The following ATP8A2 variants were observed in gnomAD, a reference collection of about 807,000 sequenced individuals.
ATP8A2 encodes the protein phospholipid-transporting ATPase IB.
In ATP8A2, 100 loss-of-function variants were observed where a neutral mutation model predicts 165.6. The ratio of observed to expected loss-of-function variants is 0.60; its 90% CI spans 0.51 to 0.71. ATP8A2 has a LOEUF of 0.71. ATP8A2 is among the 30% of genes least tolerant of loss of function. The pLI is 0.00. For missense variants in ATP8A2, 1,227 were observed against 1,479.5 expected (o/e 0.83, Z 2.80); for synonymous variants, 543 against 548.8 (o/e 0.99, Z 0.15).
chr13:25,952,287 A>G (rs1178757293), intron 33 of ATP8A2, among the ~76,000 whole-genome samples: 1 of 152,126 alleles, frequency 6.6e-6, no homozygotes, highest in Non-Finnish European at 1.5e-5. Context: ...GGAAATGAAG[A>G]ACTAGATTTC....
At chr13:25,585,692 A>G (rs1257227221) in intron 23 of ATP8A2, among the ~76,000 whole-genome samples, 4 of 152,190 alleles carry the variant, frequency 2.6e-5, no homozygotes, top group African/African-American at 9.6e-5. Context: ...GTGACTCAAT[A>G]TGTCACTTGC....
At chr13:25,427,728 T>C (rs184111542) in intron 1 of ATP8A2, among the ~76,000 whole-genome samples, 4 of 151,858 alleles carry the variant, frequency 2.6e-5, no homozygotes, top group Admixed American at 6.6e-5. Flanking sequence ...ACCTCATCTC[T>C]GCTAAAAATA....
At chr13:25,951,699 TGAGA>T (rs1259459657) in intron 33 of ATP8A2, among the ~76,000 whole-genome samples, 1 of 152,186 alleles carries the variant, frequency 6.6e-6, no homozygotes, top group African/African-American at 2.4e-5. Context: ...GGGGTGCTTT[TGAGA>T]ACCCCTTACC....
At chr13:25,882,712 T>C (rs948814798) in intron 33 of ATP8A2, among the ~76,000 whole-genome samples, 1 of 152,182 alleles carries the variant, frequency 6.6e-6, no homozygotes, top group African/African-American at 2.4e-5. Flanking sequence ...AGATGGCTCT[T>C]GTTTGTACTG....
At chr13:25,409,318 C>G (rs2033899565) in intron 1 of ATP8A2, among the ~76,000 whole-genome samples, 1 of 152,120 alleles carries the variant, frequency 6.6e-6, no homozygotes. Context: ...ATATATCACC[C>G]TGAGCATAAT....
In ATP8A2 at chr13:25,372,330, C is replaced by A. The variant is rs774563454; in HGVS notation, c.76+42C>A. The A allele has an allele frequency of 2.9e-5, 17 of 588,582 alleles. No homozygotes were observed. The highest frequency in any genetic ancestry group is 2.3e-4 in the South Asian group (12 of 52,380). The allele number at this position is 588,582 out of a possible 1,614,324, so 36.5% of individuals were successfully genotyped here. On this transcript the variant is annotated intron_variant, in intron 1 of 36. Transcript: ENST00000381655. This position sits in a 1 kb window ranked among gnomAD's most constrained non-coding sequence, Gnocchi z 4.8. ...GCGGCGAGGGAGGGTGGGCCCGGGG[C>A]GGGGGCGGCGCGGGGCGCGCCTGCG...
intron 18 of ATP8A2, 138 bp from the exon 19 acceptor site, chr13:25,574,670 A>C (rs1349573916): frequency 3.0e-6 from 2 of 674,010 alleles, no homozygotes; most frequent in Non-Finnish European, 5.4e-6. Flanking sequence ...CTTGTGAGAA[A>C]ACAGTACATG....
chr13:25,722,959 AT>A (rs2043413327), intron 25 of ATP8A2, among the ~76,000 whole-genome samples: 1 of 152,142 alleles, frequency 6.6e-6, no homozygotes, highest in Non-Finnish European at 1.5e-5. Context: ...ATTATGAGTT[AT>A]TTTGTTCAAG....
chr13:25,747,492 G>C (rs1165875124), intron 25 of ATP8A2, among the ~76,000 whole-genome samples: 1 of 152,162 alleles, frequency 6.6e-6, no homozygotes, highest in African/African-American at 2.4e-5. Flanking sequence ...TTTGTTTCAT[G>C]TCTTCCACAT....
At chr13:25,840,234 T>C (rs1345754450) in intron 30 of ATP8A2, among the ~76,000 whole-genome samples, 1 of 152,192 alleles carries the variant, frequency 6.6e-6, no homozygotes, top group Non-Finnish European at 1.5e-5. Flanking sequence ...AAGAGACATA[T>C]TTTTATTCTC....
At chr13:25,889,272 A>G (rs1953275515) in intron 33 of ATP8A2, among the ~76,000 whole-genome samples, 1 of 146,274 alleles carries the variant, frequency 6.8e-6, no homozygotes, top group African/African-American at 2.5e-5. Flanking sequence ...ATATATATAT[A>G]TAAAATTTAA....
At chr13:25,546,815 C>T (rs796786579) in intron 10 of ATP8A2, among the ~76,000 whole-genome samples, 2 of 152,072 alleles carry the variant, frequency 1.3e-5, no homozygotes, top group African/African-American at 4.8e-5. Context: ...CCCAAGCTTA[C>T]AAAACTAGTA....
chr13:25,550,357 C>T (rs1274712456), intron 10 of ATP8A2, among the ~76,000 whole-genome samples: 1 of 152,022 alleles, frequency 6.6e-6, no homozygotes, highest in Non-Finnish European at 1.5e-5. Flanking sequence ...AGGATGTGGG[C>T]ATTACTGGTG....
chr13:25,737,072 G>A (rs2138121499), intron 25 of ATP8A2, among the ~76,000 whole-genome samples: 1 of 152,248 alleles, frequency 6.6e-6, no homozygotes, highest in Middle Eastern at 3.4e-3. Flanking sequence ...GGAGGGTGGG[G>A]CAGAAGGAAT....
chr13:25,712,755 A>G (rs2043181228), intron 25 of ATP8A2, among the ~76,000 whole-genome samples: 1 of 152,204 alleles, frequency 6.6e-6, no homozygotes, highest in Non-Finnish European at 1.5e-5. Flanking sequence ...AGTCAACTGG[A>G]GTTTTCTAGT....
At chr13:25,715,464 A>G (rs1216498311) in intron 25 of ATP8A2, among the ~76,000 whole-genome samples, 2 of 152,156 alleles carry the variant, frequency 1.3e-5, no homozygotes, top group African/African-American at 2.4e-5. Flanking sequence ...ATCATCCCCA[A>G]AAAGAAACCC....
chr13:25,860,980 G>T (rs986606179), intron 32 of ATP8A2, 120 bp downstream of exon 32: 2 of 744,820 alleles, frequency 2.7e-6, no homozygotes, highest in African/African-American at 1.8e-5. Context: ...GATTTTCTGT[G>T]TAAAAATTGT....
chr13:25,472,131 C>G (rs2035861286), intron 2 of ATP8A2, among the ~76,000 whole-genome samples: 1 of 152,144 alleles, frequency 6.6e-6, no homozygotes, highest in Non-Finnish European at 1.5e-5. Context: ...CAGTGGCTAA[C>G]ACCTGTAATC....
rs71080210 is a variant in ATP8A2, at chr13:25,888,068, A to ACCCCCCCC, written c.3183+25663_3183+25670dup. 3.0e-3 allele frequency among the ~76,000 whole-genome samples: 318 copies of ACCCCCCCC among 105,662 alleles called. 6 individuals carry two copies. The highest frequency in any genetic ancestry group is 4.7e-3 in the Non-Finnish European group (237 of 50,958). The allele number at this position is 105,662 out of a possible 152,430, so 69.3% of individuals were successfully genotyped here. The stretch of plus-strand genomic sequence containing the variant: ...AGGAGGCAGAAAGGAAAGAACCCAG[A>ACCCCCCCC]CCCCCCCCCCGCCCCACCCCCAGAG... On this transcript the variant is annotated intron_variant, in intron 33 of 36. Transcript: ENST00000381655.
Sources: allele counts gnomAD v4.1 joint callset (sites outside exome capture counted in the v4.1 genomes callset), GRCh38; gene constraint gnomAD v4.1.1; non-coding constraint Gnocchi (gnomAD v3.1); transcripts MANE v1.5; gene names NCBI Gene and HGNC (gene_info 2026-07-23, HGNC 2026-07-21).